Variants in GSE1 observed in about 807,000 individuals in gnomAD.
GSE1 encodes Gse1 coiled-coil protein, also known as genetic suppressor element 1.
A neutral mutation model predicts 112.6 loss-of-function variants in GSE1; 32 were observed. The observed-to-expected ratio is 0.28, with a 90% CI of 0.21 to 0.38. GSE1 has a LOEUF of 0.38. Ranked by LOEUF, GSE1 falls within the 10% of genes least tolerant of loss-of-function variation. The pLI, the probability that GSE1 is intolerant of heterozygous loss-of-function variation, is 1.00. For synonymous variants in GSE1, 1,115 were observed against 735.6 expected (o/e 1.52, Z -8.35); for missense variants, 2,348 against 1,699.2 (o/e 1.38, Z -6.71).
At chr16:85,297,844 C>G (rs1374982944) in intron 1 of GSE1, among the ~76,000 whole-genome samples, 1 of 152,136 alleles carries the variant, frequency 6.6e-6, no homozygotes, top group Non-Finnish European at 1.5e-5. Flanking sequence ...CCTTGTCTCC[C>G]TCTGTTGCTG....
chr16:85,258,012 A>G (rs974812250), intron 1 of GSE1, among the ~76,000 whole-genome samples: 4 of 152,170 alleles, frequency 2.6e-5, no homozygotes, highest in Non-Finnish European at 4.4e-5. Flanking sequence ...TTGCAGAGTA[A>G]TCTTGGGCAG....
At chr16:85,264,598 C>T (rs1465114843) in intron 1 of GSE1, among the ~76,000 whole-genome samples, 1 of 152,144 alleles carries the variant, frequency 6.6e-6, no homozygotes, top group African/African-American at 2.4e-5. Context: ...GGGCCAGGGC[C>T]GGGGGTGGCT....
chr16:85,292,327 T>C lies in GSE1; in HGVS notation c.2284-65136T>C, dbSNP rs1007931238. Among the ~76,000 whole-genome samples the C allele has an allele frequency of 2.3e-3, 111 of 49,226 alleles. 1 individual carries two copies. The highest frequency in any genetic ancestry group is 7.8e-3 in the African/African-American group (108 of 13,758). 32.3% of individuals were successfully genotyped at this position (49,226 alleles called of 152,430 possible). A position where few individuals can be genotyped will look rare whatever the true frequency, so the allele number is the denominator to read the frequency against. On this transcript the variant is annotated intron_variant, in intron 1 of 2. Transcript: ENST00000637419. ...CTAATTTTTGTTGTTTTTTTGTTTT[T>C]GTTTTTTTTTTTTGTTTTCTGAGAC... is the stretch of plus-strand genomic sequence containing the variant.
intron 1 of GSE1, among the ~76,000 whole-genome samples, chr16:85,587,652 G>A (rs1021009758): frequency 1.4e-4 from 21 of 152,156 alleles, no homozygotes; most frequent in Non-Finnish European, 2.6e-4. Flanking sequence ...TGGAGTATGG[G>A]TTGCAAGGAT....
rs747605515 is a variant in GSE1 at position 85,666,088 on chromosome 16, C to G, written c.2871C>G (p.Pro957=). 1.2e-6 allele frequency: 2 copies of G among 1,613,250 alleles called. No homozygotes were observed. The highest frequency in any genetic ancestry group is 1.7e-6 in the Non-Finnish European group (2 of 1,179,962). Residue 957 remains proline (P), a synonymous_variant, in exon 13 of 16, where the codon CCC becomes CCG. Coordinates refer to ENST00000253458, the MANE Select transcript of GSE1 (RefSeq NM_014615.5). ...AEPGKLEQVR[P]QELSRVQELA... ...CTGGGAAGCTGGAACAGGTCCGGCC[C>G]CAGGAGCTGTCGAGAGTCCAGGAGC...
At chr16:85,617,801 A>G (rs2048472763) in intron 1 of GSE1, among the ~76,000 whole-genome samples, 1 of 152,032 alleles carries the variant, frequency 6.6e-6, no homozygotes. Flanking sequence ...ATGCTGTTTC[A>G]GGAGACCTGG....
intron 2 of GSE1, among the ~76,000 whole-genome samples, chr16:85,469,434 C>T (rs2050220262): frequency 6.6e-6 from 1 of 152,140 alleles, no homozygotes; most frequent in Non-Finnish European, 1.5e-5. Context: ...AAGGACCCTC[C>T]TGAAGAGCTT....
At chr16:85,368,289 T>G (rs1423502415) in intron 2 of GSE1, among the ~76,000 whole-genome samples, 1 of 152,208 alleles carries the variant, frequency 6.6e-6, no homozygotes, top group East Asian at 1.9e-4. Context: ...ATCTGGCCTC[T>G]CTGGGCAGAA....
chr16:85,211,446 G>C (rs2075223808), intron 1 of GSE1, among the ~76,000 whole-genome samples: 1 of 152,184 alleles, frequency 6.6e-6, no homozygotes, highest in Non-Finnish European at 1.5e-5. Context: ...TGTGAGAACT[G>C]CGTTCCTGTC....
chr16:85,614,736 G>A (rs1018528178), intron 1 of GSE1, among the ~76,000 whole-genome samples: 1 of 152,224 alleles, frequency 6.6e-6, no homozygotes, highest in Non-Finnish European at 1.5e-5. Flanking sequence ...TACAAAGTGC[G>A]TTTAAAACAC....
At position 85,634,100 on chromosome 16, in the gene GSE1, G is replaced by A. The variant is rs1289732710; in HGVS notation, c.194G>A (p.Arg65His). The change falls in exon 2 of 16, where the codon CGC becomes CAC. Residue 65 changes from arginine (R) to histidine (H), a missense_variant. Physicochemically the swap from Arg to His is conservative, Grantham distance 29. Coordinates refer to ENST00000253458, the MANE Select transcript of GSE1 (RefSeq NM_014615.5). ...TCCTCCAGCTTTGCCGCCGCGCTGC[G>A]CAAGCTCGCCAAACAGGCGGAGGAG... Reference protein sequence around the residue: ...APSSSFAAALRKLAKQAEEPR... With the variant: ...APSSSFAAALHKLAKQAEEPR... 3.8e-6 allele frequency: 6 copies of A among 1,575,332 alleles called. No homozygotes were observed. Among genetic ancestry groups the A allele is most frequent in the Admixed American group, 1.8e-5 (1 of 54,224 alleles).
intron 1 of GSE1, among the ~76,000 whole-genome samples, chr16:85,576,551 C>T (rs1049688357): frequency 3.3e-5 from 5 of 152,288 alleles, no homozygotes; most frequent in South Asian, 2.1e-4. Flanking sequence ...TAGCAAGTCC[C>T]GAATTGACTG....
intron 1 of GSE1, among the ~76,000 whole-genome samples, chr16:85,357,176 C>G (rs2046967224): frequency 6.6e-6 from 1 of 152,242 alleles, no homozygotes; most frequent in African/African-American, 2.4e-5. Flanking sequence ...GCTCCAGAAG[C>G]TCCAGTTTTG....
chr16:85,612,230 C>T (rs964799527), upstream of GSE1, among the ~76,000 whole-genome samples: 5 of 143,146 alleles, frequency 3.5e-5, no homozygotes, highest in African/African-American at 1.3e-4. Flanking sequence ...ACGCGCCCGC[C>T]GCGATGGGGT....
At chr16:85,576,963 A>G (rs2046252327) in intron 1 of GSE1, among the ~76,000 whole-genome samples, 1 of 152,176 alleles carries the variant, frequency 6.6e-6, no homozygotes, top group Admixed American at 6.5e-5. Context: ...CAGGCCCTGC[A>G]TGGGGGCTTT....
chr16:85,615,926 G>C (rs2048341834), intron 1 of GSE1, among the ~76,000 whole-genome samples: 1 of 152,216 alleles, frequency 6.6e-6, no homozygotes, highest in Non-Finnish European at 1.5e-5. Flanking sequence ...GGGGCCAGGC[G>C]TGGGGCGGAC....
At position 85,450,597 on chromosome 16, in the gene GSE1, C is replaced by T. The variant is rs1002839743; in HGVS notation, c.2464+92954C>T. On this transcript the variant is annotated intron_variant, in intron 2 of 2. Transcript: ENST00000637419. ...CCAAGTAGCTGGGATTACAGGCGCC[C>T]GCTACCATGCCCAGCTACTTTTTTT... 5.3e-5 allele frequency among the ~76,000 whole-genome samples: 8 copies of T among 151,500 alleles called. No homozygotes were observed. In the East Asian group the frequency reaches 7.9e-4, roughly 15 times the overall value.
At chr16:85,249,918 C>T (rs941835490) in intron 1 of GSE1, among the ~76,000 whole-genome samples, 7 of 152,202 alleles carry the variant, frequency 4.6e-5, no homozygotes, top group African/African-American at 1.7e-4. Context: ...GCGGCAGGGC[C>T]GAGAGCGATG....
At position 85,318,961 on chromosome 16, in the gene GSE1, C is replaced by G. The variant is rs145287756; in HGVS notation, c.2284-38502C>G. Reference sequence around the variant, plus strand: ...TAAGGCGGAGTCCTGAAGAAGCAGGCTGGGCTGAGGACCCAGGTGCTAAGA... The same window carrying G: ...TAAGGCGGAGTCCTGAAGAAGCAGGGTGGGCTGAGGACCCAGGTGCTAAGA... On this transcript the variant is annotated intron_variant, in intron 1 of 2. Coordinates refer to the GSE1 transcript ENST00000637419. 2.8e-3 allele frequency among the ~76,000 whole-genome samples: 427 copies of G among 152,302 alleles called. 4 individuals are homozygous for G. The highest frequency in any genetic ancestry group is 0.01 in the African/African-American group (420 of 41,550).
Sources: allele counts gnomAD v4.1 joint callset (sites outside exome capture counted in the v4.1 genomes callset), GRCh38; gene constraint gnomAD v4.1.1; transcripts MANE v1.5; gene names NCBI Gene and HGNC (gene_info 2026-07-23, HGNC 2026-07-21).